The following L1CAM variants were observed in gnomAD, a reference collection of about 807,000 sequenced individuals.
The protein encoded by L1CAM is L1 cell adhesion molecule.
L1CAM carries 8 observed loss-of-function variants against 93.0 expected under a neutral mutation model. That is an observed-to-expected ratio of 0.09 (90% CI 0.05 to 0.16). The LOEUF is 0.16. Among genes scored for constraint, L1CAM ranks in the 10% least tolerant of loss-of-function variants. The probability of loss-of-function intolerance (pLI) is 1.00; values close to 1 mark genes in which losing one functional copy is unlikely to be tolerated. For synonymous variants in L1CAM, 453 were observed against 453.0 expected (o/e 1.00, Z 0.00); for missense variants, 777 against 1,073.4 (o/e 0.72, Z 3.86).
At chrX:153,866,554 G>T in intron 19 of L1CAM, 95 bp downstream of exon 19, 1 of 607,905 alleles carries the variant, frequency 1.6e-6, no homozygotes. Flanking sequence ...CTCATCCTTA[G>T]GAAAGGCGCA....
At chrX:153,883,044 G>C (rs1446112390) in intron 1 of L1CAM, among the ~76,000 whole-genome samples, 1 of 111,944 alleles carries the variant, frequency 8.9e-6, no homozygotes, top group African/African-American at 3.3e-5. Flanking sequence ...CTGCTCACCA[G>C]GCACCCCCCA....
Position 153,864,935 on chromosome X carries a change from G to T in L1CAM, c.2932C>A (p.His978Asn). The T allele has an allele frequency of 8.2e-7, 1 of 1,212,299 alleles. No homozygotes were observed. Among genetic ancestry groups the T allele is most frequent in the South Asian group, 1.8e-5 (1 of 57,034 alleles). ...FNLRDPELRT[H>N]NLTDLSPHLR... is the part of the protein sequence containing the mutation. ...TGGGGGCTGAGATCGGTCAGGTTGT[G>T]TGTCCGAAGTTCGGGGTCCCGAAGG... Residue 978 changes from histidine (H) to asparagine (N), a missense_variant, in exon 23 of 29, where the codon CAC becomes AAC. This residue lies in a region of L1CAM where 71 missense variants were observed against 77.4 expected (regional missense o/e 0.92). Coordinates refer to ENST00000370060, the MANE Select transcript of L1CAM (RefSeq NM_001278116.2).
chrX:153,873,906 G>A (rs1169889507), intron 2 of L1CAM, among the ~76,000 whole-genome samples: 1 of 112,703 alleles, frequency 8.9e-6, no homozygotes, highest in African/African-American at 3.2e-5. Context: ...ACTCTGCAGA[G>A]CACTGGCCAG....
chrX:153,867,758 G>A, intron 16 of L1CAM, 42 bp downstream of exon 16: 1 of 1,138,580 alleles, frequency 8.8e-7, no homozygotes, highest in Non-Finnish European at 1.2e-6. Flanking sequence ...GCCAGGGCTG[G>A]CAGAAGTGAC....
At chrX:153,872,531 G>A in intron 4 of L1CAM, 61 bp downstream of exon 4, 1 of 1,008,505 alleles carries the variant, frequency 9.9e-7, no homozygotes, top group Non-Finnish European at 1.4e-6. Flanking sequence ...GGCAGTCCAG[G>A]GAGGCACAAG....
At chrX:153,882,223 A>AT (rs2148505858) in intron 1 of L1CAM, among the ~76,000 whole-genome samples, 2 of 111,716 alleles carry the variant, frequency 1.8e-5, no homozygotes, top group South Asian at 7.5e-4. Context: ...GGCCTCTGTG[A>AT]TCCCCAGGGC....
chrX:153,878,435 A>G (rs2064827216), intron 1 of L1CAM, among the ~76,000 whole-genome samples: 1 of 112,799 alleles, frequency 8.9e-6, no homozygotes, highest in Non-Finnish European at 1.9e-5. Context: ...GGGTAAGAAG[A>G]GTGATTCCCA....
intron 1 of L1CAM, among the ~76,000 whole-genome samples, chrX:153,879,893 G>T (rs1487632845): frequency 8.9e-6 from 1 of 112,246 alleles, no homozygotes; most frequent in Non-Finnish European, 1.9e-5. Context: ...GTTAGGCCAA[G>T]AGTGAGCCTG....
intron 1 of L1CAM, chrX:153,885,679 G>A (rs782687397): frequency 9.6e-6 from 3 of 311,927 alleles, no homozygotes; most frequent in East Asian, 1.3e-4. Flanking sequence ...GGCGGCCTGT[G>A]GGGGAGCGCT....
At chrX:153,875,537 C>A (rs1342997275) in intron 2 of L1CAM, 10 of 496,612 alleles carry the variant, frequency 2.0e-5, no homozygotes, top group African/African-American at 4.7e-5. Context: ...CCCCGGCGGC[C>A]GCGCCTGTCC....
At chrX:153,883,586 G>A (rs1557096161) in intron 1 of L1CAM, 1 of 268,790 alleles carries the variant, frequency 3.7e-6, no homozygotes, top group Non-Finnish European at 7.3e-6. Flanking sequence ...AGGGGCAGAG[G>A]ACAGGGCAAT....
chrX:153,867,181 G>T, intron 17 of L1CAM, 57 bp from the exon 18 acceptor site: 1 of 1,079,391 alleles, frequency 9.3e-7, no homozygotes, highest in Non-Finnish European at 1.3e-6. Context: ...GAGCCACGAG[G>T]ACCGAGGGCC....
chrX:153,865,085 C>T lies in L1CAM; in HGVS notation c.2872+3G>A, dbSNP rs950213549. 4 of 1,210,021 alleles carry T rather than the reference C, an allele frequency of 3.3e-6. No homozygotes were observed. The highest frequency in any genetic ancestry group is 2.2e-5 in the Admixed American group (1 of 45,964). On this transcript the variant is annotated splice_donor_region_variant and intron_variant, in intron 22 of 28. Coordinates refer to ENST00000370060, the MANE Select transcript of L1CAM (RefSeq NM_001278116.2). ...CCCTTCCCTGCTGGGGCGGCGCACG[C>T]ACGGGGGTGGTAGGAGAGCACGTAG... is the stretch of plus-strand genomic sequence containing the variant.
In L1CAM at chrX:153,872,285, C is replaced by T. The variant is rs782641422; in HGVS notation, c.267G>A (p.Ser89=). 13 of 1,204,115 alleles carry T rather than the reference C, an allele frequency of 1.1e-5. No individual in the cohort carries two copies. The highest frequency in any genetic ancestry group is 2.2e-5 in the Admixed American group (1 of 44,830). ...TGATGGTGAAGGAGCCAGAGTGGGG[C>T]GACTGGTACACGGTCACACCCAGCT... is the stretch of plus-strand genomic sequence containing the variant. The part of the protein sequence containing the change: ...KEELGVTVYQ[S]PHSGSFTITG... Residue 89 remains serine, a synonymous_variant, in exon 5 of 29, where the codon TCG becomes TCA. Coordinates refer to ENST00000370060, the MANE Select transcript of L1CAM (RefSeq NM_001278116.2).
intron 26 of L1CAM, 135 bp from the exon 27 acceptor site, chrX:153,863,684 AC>A (rs1569544591): frequency 2.4e-6 from 2 of 817,279 alleles, no homozygotes; most frequent in Non-Finnish European, 3.6e-6. Flanking sequence ...GAAACCGCTC[AC>A]CCCCTGCGGT....
Position 153,871,099 on chromosome X carries a change from G to C in L1CAM, c.481C>G (p.Pro161Ala). Residue 161 changes from proline (P) to alanine (A), a missense_variant, in exon 6 of 29, where the codon CCC becomes GCC. Pro to Ala is a conservative substitution (Grantham distance 27). Coordinates refer to ENST00000370060, the MANE Select transcript of L1CAM (RefSeq NM_001278116.2). ...ATCCGGAGAGGCTCTGCACTTGGGG[G>C]AGGGTTGCAAGGCAGAACCACTGAC... The part of the protein sequence containing the change: ...GESVVLPCNP[P>A]PSAEPLRIYW... 1 of 1,210,888 alleles carries C rather than the reference G, an allele frequency of 8.3e-7. No homozygotes were observed. Among genetic ancestry groups the C allele is most frequent in the Non-Finnish European group, 1.1e-6 (1 of 895,243 alleles).
rs2064764984 is a variant in L1CAM, at chrX:153,871,033, AGGCAGCCGCTCGCC to A, written c.523+10_523+23del. 8.3e-7 allele frequency: 1 copy of A among 1,208,885 alleles called. No homozygotes were observed. The highest frequency in any genetic ancestry group is 1.1e-6 in the Non-Finnish European group (1 of 894,956). ...CCCCCGCTAACACCCCGACCCCACG[AGGCAGCCGCTCGCC>A]GGCACCCACTGCTGTTCATCCAGTA... On this transcript the variant is annotated intron_variant, in intron 6 of 28. Coordinates refer to ENST00000370060, the MANE Select transcript of L1CAM (RefSeq NM_001278116.2).
chrX:153,866,014 T>C, intron 19 of L1CAM, 195 bp from the exon 20 acceptor site: 1 of 429,626 alleles, frequency 2.3e-6, no homozygotes, highest in Non-Finnish European at 4.1e-6. Flanking sequence ...AATAGTAGCT[T>C]ATACAAAGGA....
intron 9 of L1CAM, 47 bp downstream of exon 9, chrX:153,870,009 C>A: frequency 8.3e-7 from 1 of 1,209,840 alleles, no homozygotes. Flanking sequence ...CCCTCCCCTC[C>A]CCCATGACAG....
Sources: gnomAD v4.1 joint callset for allele counts (sites outside exome capture counted in the v4.1 genomes callset) on GRCh38, gnomAD v4.1.1 for gene constraint, gnomAD v4.1.1 regional missense constraint, MANE v1.5 for transcripts, NCBI Gene and HGNC (gene_info 2026-07-23, HGNC 2026-07-21) for gene names.